The following USP45 variants were observed in gnomAD, a reference collection of about 807,000 sequenced individuals.
USP45 encodes ubiquitin carboxyl-terminal hydrolase 45.
A neutral mutation model predicts 95.8 loss-of-function variants in USP45; 89 were observed. The ratio of observed to expected loss-of-function variants is 0.93; its 90% CI spans 0.78 to 1.11. The LOEUF (loss-of-function observed/expected upper bound fraction) is 1.11, where lower values mean the gene tolerates loss of function less well. USP45 is among the 50% of genes least tolerant of loss of function. The probability of loss-of-function intolerance (pLI) is 0.00; values close to 1 mark genes in which losing one functional copy is unlikely to be tolerated. For missense variants in USP45, 898 were observed against 942.5 expected (o/e 0.95, Z 0.62); for synonymous variants, 281 against 316.2 (o/e 0.89, Z 1.18).
chr6:99,514,211 A>C (rs779895124), intron 1 of USP45, among the ~76,000 whole-genome samples: 3 of 152,220 alleles, frequency 2.0e-5, no homozygotes, highest in Non-Finnish European at 2.9e-5. Flanking sequence ...ACACAAGCGG[A>C]GTCTGGAGGA....
intron 6 of USP45, 152 bp from the exon 7 acceptor site, chr6:99,488,447 T>C (rs1296216692): frequency 5.8e-6 from 4 of 686,862 alleles, no homozygotes; most frequent in Non-Finnish European, 9.4e-6. Context: ...TTAGTAAAGG[T>C]CACTATTACC....
intron 4 of USP45, 148 bp downstream of exon 4, chr6:99,507,280 T>G (rs1798760627): frequency 2.2e-6 from 1 of 460,108 alleles, no homozygotes; most frequent in African/African-American, 2.0e-5. Context: ...AATATTAATT[T>G]TCTTGAAGTA....
At chr6:99,454,508 C>G (rs1562326074) in intron 13 of USP45, among the ~76,000 whole-genome samples, 1 of 152,106 alleles carries the variant, frequency 6.6e-6, no homozygotes, top group Non-Finnish European at 1.5e-5. Flanking sequence ...GAAGAGACCT[C>G]CTGTTGAATG....
intron 5 of USP45, among the ~76,000 whole-genome samples, chr6:99,500,012 T>C (rs950777907): frequency 6.6e-6 from 1 of 152,182 alleles, no homozygotes; most frequent in Non-Finnish European, 1.5e-5. Context: ...ACCTTGGAAA[T>C]ATAAAGTACT....
In USP45 at chr6:99,446,013, AATT is replaced by A. The variant is rs1237363827; in HGVS notation, c.1756_1758del (p.Asn586del). 1.9e-5 allele frequency: 30 copies of A among 1,614,006 alleles called. No individual in the cohort carries two copies. The highest frequency in any genetic ancestry group is 2.5e-5 in the Non-Finnish European group (30 of 1,179,994). ...AAATGCTTCCCCTCTAAAAAACATA[AATT>A]ATTTGAAATATTTAGTGGCTGATTT... is the stretch of plus-strand genomic sequence containing the variant. On this transcript the variant is annotated inframe_deletion, in exon 14 of 18. Transcript: ENST00000500704.
At chr6:99,457,358 C>T (rs1048587805) in intron 13 of USP45, among the ~76,000 whole-genome samples, 3 of 152,136 alleles carry the variant, frequency 2.0e-5, no homozygotes, top group South Asian at 2.1e-4. Context: ...CGTAACCTAC[C>T]GACATGTGAT....
chr6:99,486,670 T>A (rs1793967005), intron 7 of USP45, among the ~76,000 whole-genome samples: 1 of 151,448 alleles, frequency 6.6e-6, no homozygotes, highest in South Asian at 2.1e-4. Flanking sequence ...ATACTGTCTT[T>A]CAAAGATATA....
intron 9 of USP45, among the ~76,000 whole-genome samples, chr6:99,469,430 A>G (rs887005037): frequency 7.0e-6 from 1 of 142,348 alleles, no homozygotes; most frequent in Admixed American, 7.2e-5. Context: ...GAAAAGTTTA[A>G]TTATCTTTCC....
intron 5 of USP45, among the ~76,000 whole-genome samples, chr6:99,489,046 A>G (rs1794613052): frequency 6.6e-6 from 1 of 152,236 alleles, no homozygotes; most frequent in African/African-American, 2.4e-5. Context: ...ACTATATTAC[A>G]GAATAAATTG....
chr6:99,478,569 A>T (rs1054751206), intron 8 of USP45, among the ~76,000 whole-genome samples: 7 of 152,206 alleles, frequency 4.6e-5, no homozygotes, highest in Non-Finnish European at 1.5e-5. Context: ...TGTTCATCAC[A>T]GTGCTATTCA....
intron 7 of USP45, among the ~76,000 whole-genome samples, chr6:99,487,769 T>A (rs1184231859): frequency 6.6e-6 from 1 of 151,944 alleles, no homozygotes; most frequent in Non-Finnish European, 1.5e-5. Flanking sequence ...CACTCCAGCC[T>A]GCACTCCAGC....
intron 5 of USP45, among the ~76,000 whole-genome samples, chr6:99,492,758 C>T (rs534528572): frequency 1.2e-4 from 18 of 152,194 alleles, no homozygotes; most frequent in African/African-American, 4.1e-4. Context: ...TCCCAAAGCA[C>T]TGGGATTATA....
intron 1 of USP45, 139 bp from the exon 2 acceptor site, chr6:99,510,369 C>T: frequency 3.3e-6 from 2 of 610,230 alleles, no homozygotes; most frequent in South Asian, 4.6e-5. Context: ...AAGAGGGGAA[C>T]ATCACTTGAA....
At chr6:99,465,625 C>T (rs754896679) in intron 11 of USP45, among the ~76,000 whole-genome samples, 1 of 152,140 alleles carries the variant, frequency 6.6e-6, no homozygotes, top group Non-Finnish European at 1.5e-5. Context: ...CTTAAATAAT[C>T]ATGGTCATGC....
At chr6:99,464,583 A>G in intron 13 of USP45, 21 bp downstream of exon 13, 1 of 1,596,886 alleles carries the variant, frequency 6.3e-7, no homozygotes, top group South Asian at 1.1e-5. Flanking sequence ...ACAGACGTCT[A>G]ACAGATGCTT....
chr6:99,491,243 G>A (rs1042853100), intron 5 of USP45, among the ~76,000 whole-genome samples: 2 of 152,166 alleles, frequency 1.3e-5, no homozygotes, highest in African/African-American at 4.8e-5. Flanking sequence ...AAAAGAAAAG[G>A]GGGAAGAGGC....
intron 13 of USP45, among the ~76,000 whole-genome samples, chr6:99,464,113 C>T (rs1227173366): frequency 2.0e-5 from 3 of 152,022 alleles, no homozygotes; most frequent in Admixed American, 2.0e-4. Context: ...TCGAGACCAG[C>T]CTGACCAACA....
intron 5 of USP45, among the ~76,000 whole-genome samples, chr6:99,492,763 A>G (rs1432556317): frequency 6.6e-6 from 1 of 152,086 alleles, no homozygotes; most frequent in Non-Finnish European, 1.5e-5. Flanking sequence ...AAGCACTGGG[A>G]TTATAGGAGT....
chr6:99,459,130 C>A (rs1785754476), intron 13 of USP45, among the ~76,000 whole-genome samples: 1 of 152,078 alleles, frequency 6.6e-6, no homozygotes, highest in African/African-American at 2.4e-5. Flanking sequence ...CTGATCCTCT[C>A]CCTCCTCCCA....
Sources: allele counts gnomAD v4.1 joint callset (sites outside exome capture counted in the v4.1 genomes callset), GRCh38; gene constraint gnomAD v4.1.1; transcripts MANE v1.5; gene names NCBI Gene and HGNC (gene_info 2026-07-23, HGNC 2026-07-21).